Variants in LYN observed in about 807,000 individuals in gnomAD.
LYN encodes the protein LYN proto-oncogene, Src family tyrosine kinase, also known as tyrosine-protein kinase Lyn.
LYN carries 12 observed loss-of-function variants against 65.0 expected under a neutral mutation model. The observed-to-expected ratio is 0.18, with a 90% CI of 0.12 to 0.30. LYN has a LOEUF of 0.30. Among genes scored for constraint, LYN ranks in the 10% least tolerant of loss-of-function variants. The probability of loss-of-function intolerance (pLI) is 1.00; values close to 1 mark genes in which losing one functional copy is unlikely to be tolerated. For synonymous variants in LYN, 222 were observed against 221.2 expected, an observed-to-expected ratio of 1.00 and a Z score of -0.03; for missense variants, 380 against 623.2, an observed-to-expected ratio of 0.61 and a Z score of 4.16.
intron 10 of LYN, among the ~76,000 whole-genome samples, chr8:55,980,080 G>A (rs1426461103): frequency 1.3e-5 from 2 of 152,170 alleles, no homozygotes; most frequent in Non-Finnish European, 2.9e-5. Context: ...GCCACACAGG[G>A]TCCCCCTGAG....
chr8:55,987,767 C>G (rs1808122167), intron 10 of LYN, among the ~76,000 whole-genome samples: 1 of 152,154 alleles, frequency 6.6e-6, no homozygotes, highest in Non-Finnish European at 1.5e-5. Context: ...TGCTTAAGAG[C>G]ACAGACTCTT....
intron 12 of LYN, among the ~76,000 whole-genome samples, chr8:56,002,409 A>T (rs1456287859): frequency 1.3e-5 from 2 of 150,498 alleles, no homozygotes. Context: ...ACAGAGCGAG[A>T]CTCCATCTTA....
chr8:55,970,158 TAA>T (rs1380155689), intron 10 of LYN, among the ~76,000 whole-genome samples: 1 of 152,230 alleles, frequency 6.6e-6, no homozygotes, highest in Non-Finnish European at 1.5e-5. Flanking sequence ...ATGTTTTATT[TAA>T]GTTACGAATC....
chr8:55,990,605 G>A (rs563924596), intron 10 of LYN, among the ~76,000 whole-genome samples: 2 of 152,282 alleles, frequency 1.3e-5, no homozygotes, highest in South Asian at 4.1e-4. Context: ...TTTAGAACCT[G>A]TTATCTGTCA....
chr8:55,995,552 T>C (rs1375195344), intron 10 of LYN, among the ~76,000 whole-genome samples: 1 of 152,138 alleles, frequency 6.6e-6, no homozygotes, highest in Non-Finnish European at 1.5e-5. Flanking sequence ...GCAGAAATTG[T>C]GGACAGGTAG....
intron 10 of LYN, among the ~76,000 whole-genome samples, chr8:55,975,383 G>A (rs1464358620): frequency 2.6e-5 from 4 of 152,186 alleles, no homozygotes; most frequent in Non-Finnish European, 5.9e-5. Context: ...CAGTGTCCTC[G>A]TCTGTGAGAT....
intron 1 of LYN, among the ~76,000 whole-genome samples, chr8:55,917,366 T>C (rs1805808647): frequency 6.6e-6 from 1 of 152,138 alleles, no homozygotes; most frequent in Admixed American, 6.6e-5. Flanking sequence ...TAGTTTTTTG[T>C]AGAGATAGGG....
intron 10 of LYN, among the ~76,000 whole-genome samples, chr8:55,993,537 G>T (rs926487168): frequency 6.6e-6 from 1 of 152,186 alleles, no homozygotes; most frequent in Non-Finnish European, 1.5e-5. Context: ...CACGCCTGGT[G>T]TAAATGGGAG....
At chr8:55,924,600 G>A (rs1206201057) in intron 1 of LYN, among the ~76,000 whole-genome samples, 1 of 151,722 alleles carries the variant, frequency 6.6e-6, no homozygotes, top group Non-Finnish European at 1.5e-5. Flanking sequence ...CTGACCTCAC[G>A]TAATCCACCC....
At chr8:56,009,795 T>C in intron 12 of LYN, 113 bp from the exon 13 acceptor site, 1 of 841,042 alleles carries the variant, frequency 1.2e-6, no homozygotes, top group Non-Finnish European at 1.9e-6. Flanking sequence ...GTAAAGCTTG[T>C]TTCAATCATG....
intron 11 of LYN, among the ~76,000 whole-genome samples, chr8:55,999,056 G>A (rs1034229601): frequency 3.9e-5 from 6 of 152,118 alleles, no homozygotes; most frequent in Admixed American, 6.6e-5. Context: ...AAGCATGGTC[G>A]GGACTGCAGG....
intron 10 of LYN, among the ~76,000 whole-genome samples, chr8:55,980,769 T>C (rs938896274): frequency 6.6e-6 from 1 of 152,220 alleles, no homozygotes; most frequent in Non-Finnish European, 1.5e-5. Context: ...CTTTTTAAAA[T>C]TGTGGTGGTA....
At chr8:55,996,844 A>G (rs1808381965) in intron 10 of LYN, among the ~76,000 whole-genome samples, 1 of 152,120 alleles carries the variant, frequency 6.6e-6, no homozygotes, top group Non-Finnish European at 1.5e-5. Context: ...ATGAGAGTGA[A>G]TCTTGCCGGG....
intron 10 of LYN, among the ~76,000 whole-genome samples, chr8:55,975,201 G>A (rs552352066): frequency 6.6e-6 from 1 of 152,306 alleles, no homozygotes; most frequent in South Asian, 2.1e-4. Flanking sequence ...GGAAACCTCA[G>A]CTTTCTCAGT....
intron 1 of LYN, among the ~76,000 whole-genome samples, chr8:55,910,002 T>G (rs1805553899): frequency 6.6e-6 from 1 of 151,162 alleles, no homozygotes; most frequent in Non-Finnish European, 1.5e-5. Flanking sequence ...TCTTTTTTTT[T>G]TTTTTTTTGA....
At chr8:55,908,989 G>GTGTGTATATATATATATATA (rs1379592685) in intron 1 of LYN, among the ~76,000 whole-genome samples, 6 of 20,396 alleles carry the variant, frequency 2.9e-4, no homozygotes, top group African/African-American at 5.8e-4. Flanking sequence ...CATTGTGTAT[G>GTGTGTATATATATATATATA]TATATATATA....
intron 10 of LYN, among the ~76,000 whole-genome samples, chr8:55,974,743 C>T (rs1157610286): frequency 6.6e-6 from 1 of 152,176 alleles, no homozygotes; most frequent in Admixed American, 6.5e-5. Flanking sequence ...CATATTCCAC[C>T]TCAAGGCTAT....
chr8:55,885,185 C>CT (rs1388601657), intron 1 of LYN, among the ~76,000 whole-genome samples: 2 of 152,198 alleles, frequency 1.3e-5, no homozygotes, highest in African/African-American at 4.8e-5. Context: ...AATGCTGCTA[C>CT]TTAAATGACA....
rs547647339 is a variant in LYN at position 55,969,665 on chromosome 8, A to AT, written c.974-46dup. 4.9e-4 allele frequency: 674 copies of AT among 1,378,974 alleles called. 1 individual carries two copies. The African/African-American group carries it at 8.6e-3, about 18-fold the overall frequency. The allele number at this position is 1,378,974 out of a possible 1,614,324, so 85.4% of individuals were successfully genotyped here. On this transcript the variant is annotated intron_variant, in intron 9 of 12. Coordinates refer to ENST00000519728, the MANE Select transcript of LYN (RefSeq NM_002350.4). ...TAATGATGATGTGAATTTTGTTTGG[A>AT]TTTTTTCTTGTGTGTTTGGAATGCA...
Sources: allele counts gnomAD v4.1 joint callset (sites outside exome capture counted in the v4.1 genomes callset), GRCh38; gene constraint gnomAD v4.1.1; transcripts MANE v1.5; gene names NCBI Gene and HGNC (gene_info 2026-07-23, HGNC 2026-07-21).